Variants in C12orf50 observed in about 807,000 individuals in gnomAD.
The protein encoded by C12orf50 is uncharacterized protein C12orf50.
Under a neutral mutation model 61.6 loss-of-function variants are expected in C12orf50, and 35 were observed. The observed-to-expected ratio is 0.57, with a 90% confidence interval of 0.43 to 0.75. C12orf50 has a LOEUF of 0.75. C12orf50 is among the 30% of genes least tolerant of loss of function. The pLI, the probability that C12orf50 is intolerant of heterozygous loss-of-function variation, is 0.00. For missense variants in C12orf50, 475 were observed against 488.5 expected (o/e 0.97, Z 0.26); for synonymous variants, 178 against 161.5 (o/e 1.10, Z -0.77).
intron 6 of C12orf50, 40 bp downstream of exon 6, chr12:87,996,328 AGTATAT>A: frequency 7.8e-7 from 1 of 1,277,892 alleles, no homozygotes; most frequent in Non-Finnish European, 1.1e-6. Context: ...TATCACACCA[AGTATAT>A]GTTATAGATC....
At chr12:87,981,693 C>T (rs1364585535) in intron 12 of C12orf50, among the ~76,000 whole-genome samples, 1 of 152,002 alleles carries the variant, frequency 6.6e-6, no homozygotes, top group Non-Finnish European at 1.5e-5. Context: ...AGCCAGAAGA[C>T]TTCATTTGGA....
At chr12:87,990,184 A>C (rs2031051740) in intron 7 of C12orf50, among the ~76,000 whole-genome samples, 1 of 152,190 alleles carries the variant, frequency 6.6e-6, no homozygotes, top group Admixed American at 6.5e-5. Context: ...GTAAGAATGT[A>C]TGTTTATCAT....
At chr12:87,995,312 G>A (rs956052709) in intron 6 of C12orf50, among the ~76,000 whole-genome samples, 13 of 152,090 alleles carry the variant, frequency 8.5e-5, no homozygotes, top group Non-Finnish European at 1.8e-4. Flanking sequence ...CACATTAATG[G>A]CATAATTGGT....
At chr12:88,011,078 C>A (rs148013637) in intron 3 of C12orf50, among the ~76,000 whole-genome samples, 2 of 152,182 alleles carry the variant, frequency 1.3e-5, no homozygotes, top group African/African-American at 4.8e-5. Flanking sequence ...CTATGATCAA[C>A]TTTGGGGTGA....
At chr12:88,007,264 A>AACAACC (rs2031921095) in intron 3 of C12orf50, among the ~76,000 whole-genome samples, 1 of 152,178 alleles carries the variant, frequency 6.6e-6, no homozygotes, top group Non-Finnish European at 1.5e-5. Flanking sequence ...AAATCTTCTA[A>AACAACC]TTGAAGTGAG....
At chr12:88,027,599 C>T (rs1039624754) in intron 1 of C12orf50, among the ~76,000 whole-genome samples, 5 of 152,086 alleles carry the variant, frequency 3.3e-5, no homozygotes, top group African/African-American at 7.2e-5. Flanking sequence ...TTATGATATA[C>T]TACATTAAAT....
intron 4 of C12orf50, among the ~76,000 whole-genome samples, chr12:87,997,428 T>A (rs1401918944): frequency 6.6e-6 from 1 of 152,072 alleles, no homozygotes; most frequent in African/African-American, 2.4e-5. Flanking sequence ...AGATATACAT[T>A]TTACTTTAAG....
chr12:88,016,617 C>T (rs1014596950), intron 3 of C12orf50, among the ~76,000 whole-genome samples: 8 of 152,038 alleles, frequency 5.3e-5, no homozygotes, highest in Non-Finnish European at 8.8e-5. Flanking sequence ...TGTCAAGCAG[C>T]GGGAAAATAG....
chr12:87,997,981 A>G (rs7957000), intron 4 of C12orf50, 54 bp downstream of exon 4: 146,849 of 1,450,456 alleles, frequency 0.1, 11,177 homozygotes, highest in African/African-American at 0.39. Flanking sequence ...CACATATGTA[A>G]AAAATGTGAG....
At chr12:88,007,885 G>T (rs1471870391) in intron 3 of C12orf50, among the ~76,000 whole-genome samples, 1 of 151,714 alleles carries the variant, frequency 6.6e-6, no homozygotes, top group Non-Finnish European at 1.5e-5. Context: ...AATCCTAAAG[G>T]CATGTTAAAG....
chr12:88,026,643 T>A (rs769334943), intron 2 of C12orf50, 35 bp from the exon 3 acceptor site: 24 of 1,606,218 alleles, frequency 1.5e-5, no homozygotes, highest in Non-Finnish European at 1.9e-5. Context: ...ATGTAATGAT[T>A]AGATGCCATA....
intron 11 of C12orf50, chr12:87,985,558 T>C (rs1010942750): frequency 1.8e-5 from 7 of 379,242 alleles, no homozygotes; most frequent in Admixed American, 4.2e-5. Flanking sequence ...AAAACAGTCC[T>C]CCTGAGTGAC....
At position 87,987,889 on chromosome 12, in the gene C12orf50, C is replaced by T. The variant is rs777972409; in HGVS notation, c.778G>A (p.Glu260Lys). Residue 260 changes from glutamate (E) to lysine (K), a missense_variant, in exon 9 of 13, where the codon GAG becomes AAG. Glu to Lys is a moderately conservative substitution (Grantham distance 56). Coordinates refer to ENST00000298699, the MANE Select transcript of C12orf50 (RefSeq NM_152589.3). ...VPTTHVLNAT[E>K]NISMKCREDP... ...TCTCTGCACTTCATACTGATATTCT[C>T]AGTAGCATTTAATACATGCGTTGTA... 1 of 1,611,128 alleles carries T rather than the reference C, an allele frequency of 6.2e-7. No individual in the cohort carries two copies. The highest frequency in any genetic ancestry group is 1.7e-5 in the Admixed American group (1 of 59,702).
chr12:88,019,307 T>G (rs1168935294), intron 3 of C12orf50, among the ~76,000 whole-genome samples: 2 of 152,198 alleles, frequency 1.3e-5, no homozygotes, highest in Admixed American at 1.3e-4. Context: ...CTGCCATCCA[T>G]GTAAGACGTG....
intron 10 of C12orf50, 72 bp downstream of exon 10, chr12:87,986,240 G>A: frequency 7.7e-7 from 1 of 1,295,254 alleles, no homozygotes; most frequent in Non-Finnish European, 1.1e-6. Context: ...TTGTTTTTCA[G>A]GTAGAAGATA....
rs1190740120 is a variant in C12orf50 at position 88,029,109 on chromosome 12, A to G, written c.-109+231T>C. 2.3e-6 allele frequency: 3 copies of G among 1,286,914 alleles called. No individual in the cohort carries two copies. In the South Asian group the frequency reaches 3.7e-5, roughly 16 times the overall value. The allele number at this position is 1,286,914 out of a possible 1,614,324, so 79.7% of individuals were successfully genotyped here. A position where few individuals can be genotyped will look rare whatever the true frequency, so the allele number is the denominator to read the frequency against. On this transcript the variant is annotated intron_variant, in intron 1 of 12. Coordinates refer to ENST00000298699, the MANE Select transcript of C12orf50 (RefSeq NM_152589.3). ...TAAAAAAGAAATAGCAGTCATTCCC[A>G]ACTTCTGCCATTTTCAACTCTCTTG...
intron 12 of C12orf50, among the ~76,000 whole-genome samples, chr12:87,982,433 AT>A (rs1262077037): frequency 5.9e-5 from 9 of 152,114 alleles, no homozygotes; most frequent in Non-Finnish European, 8.8e-5. Flanking sequence ...CTAACTGGAA[AT>A]TTTTCTGAAA....
intron 3 of C12orf50, among the ~76,000 whole-genome samples, chr12:88,020,557 C>T (rs1183636711): frequency 1.3e-5 from 2 of 152,100 alleles, no homozygotes; most frequent in Non-Finnish European, 2.9e-5. Flanking sequence ...TAGAGACCTA[C>T]AAAAAGACTT....
intron 3 of C12orf50, among the ~76,000 whole-genome samples, chr12:88,021,254 T>C (rs1364281032): frequency 6.6e-6 from 1 of 151,206 alleles, no homozygotes; most frequent in South Asian, 2.1e-4. Flanking sequence ...GTTGATTTTT[T>C]GAAAAAATTA....
Sources: gnomAD v4.1 joint callset for allele counts (sites outside exome capture counted in the v4.1 genomes callset) on GRCh38, gnomAD v4.1.1 for gene constraint, MANE v1.5 for transcripts, NCBI Gene and HGNC (gene_info 2026-07-23, HGNC 2026-07-21) for gene names.